Variants in ZNF610 observed in about 807,000 individuals in gnomAD.
ZNF610 encodes the protein zinc finger protein 610, also known as zink finger protein.
A neutral mutation model predicts 14.1 loss-of-function variants in ZNF610; 14 were observed. That is an observed-to-expected ratio of 0.99 (90% CI 0.65 to 1.55). The LOEUF is 1.55. Among genes scored for constraint, ZNF610 ranks in the 40% most tolerant of loss-of-function variants. ZNF610 has a pLI of 0.00. For synonymous variants in ZNF610, 185 were observed against 187.6 expected (o/e 0.99, Z 0.11); for missense variants, 530 against 558.0 (o/e 0.95, Z 0.51).
At chr19:52,359,022 C>A (rs1184882487) in intron 5 of ZNF610, among the ~76,000 whole-genome samples, 3 of 152,190 alleles carry the variant, frequency 2.0e-5, no homozygotes, top group African/African-American at 7.2e-5. Flanking sequence ...GCCTTCATGG[C>A]AGTACAGTTC....
intron 5 of ZNF610, among the ~76,000 whole-genome samples, chr19:52,355,795 A>T (rs1985495749): frequency 1.3e-5 from 2 of 152,232 alleles, no homozygotes; most frequent in Non-Finnish European, 2.9e-5. Flanking sequence ...TTCTAAGGAT[A>T]CAGATGGACA....
At chr19:52,354,447 C>A in intron 5 of ZNF610, 68 bp downstream of exon 5, 1 of 1,529,074 alleles carries the variant, frequency 6.5e-7, no homozygotes, top group Admixed American at 2.0e-5. Context: ...CAGGGTGTTC[C>A]GCTATCACCC....
upstream of ZNF610, among the ~76,000 whole-genome samples, chr19:52,335,734 C>A (rs954743483): frequency 4.6e-5 from 7 of 152,192 alleles, no homozygotes; most frequent in Admixed American, 3.9e-4. Flanking sequence ...TGTGGGCCGT[C>A]AGCATGAAAT....
At chr19:52,343,576 T>A (rs931343904) in intron 1 of ZNF610, among the ~76,000 whole-genome samples, 1 of 148,864 alleles carries the variant, frequency 6.7e-6, no homozygotes, top group East Asian at 2.0e-4. Flanking sequence ...AAAAAAAAAA[T>A]GTATTTGCTC....
At chr19:52,341,683 G>A (rs991539503) in intron 1 of ZNF610, among the ~76,000 whole-genome samples, 1 of 152,260 alleles carries the variant, frequency 6.6e-6, no homozygotes, top group African/African-American at 2.4e-5. Flanking sequence ...CTGGAGTGCA[G>A]TGAGGCAATC....
chr19:52,353,144 T>C (rs996335424), intron 3 of ZNF610, among the ~76,000 whole-genome samples: 3 of 152,212 alleles, frequency 2.0e-5, no homozygotes, highest in Non-Finnish European at 4.4e-5. Context: ...TTCACCATGT[T>C]GGCCAGGCTC....
intron 1 of ZNF610, among the ~76,000 whole-genome samples, chr19:52,338,410 G>A (rs1333084761): frequency 2.6e-5 from 4 of 152,166 alleles, no homozygotes; most frequent in Admixed American, 6.5e-5. Context: ...TGGACCAGGC[G>A]CAGTGGCTCT....
chr19:52,346,189 TTTTGGTTTTTTTTGAGATAGAGTCTCTC>T (rs1367274355), intron 1 of ZNF610, among the ~76,000 whole-genome samples: 2 of 150,364 alleles, frequency 1.3e-5, no homozygotes, highest in Non-Finnish European at 2.9e-5. Context: ...TTTTTTTTGT[TTTTGGTTTTTTTTGAGATAGAGTCTCTC>T]TCTGTTGCCC....
At chr19:52,355,172 C>T (rs1023030267) in intron 5 of ZNF610, among the ~76,000 whole-genome samples, 6 of 152,126 alleles carry the variant, frequency 3.9e-5, no homozygotes, top group Admixed American at 1.3e-4. Context: ...GGGTCTCTTT[C>T]CCCTGTGGTC....
chr19:52,344,713 A>G (rs1429986028), intron 1 of ZNF610, among the ~76,000 whole-genome samples: 1 of 152,214 alleles, frequency 6.6e-6, no homozygotes, highest in Non-Finnish European at 1.5e-5. Context: ...TATTACACAG[A>G]AAGTTCCAAA....
At chr19:52,338,095 A>C (rs1427483553) in intron 1 of ZNF610, among the ~76,000 whole-genome samples, 4 of 152,190 alleles carry the variant, frequency 2.6e-5, no homozygotes, top group African/African-American at 9.6e-5. Context: ...TCACACTAAC[A>C]CTATCTATGT....
intron 1 of ZNF610, among the ~76,000 whole-genome samples, chr19:52,338,098 A>G (rs1476480921): frequency 6.6e-6 from 1 of 152,222 alleles, no homozygotes; most frequent in Non-Finnish European, 1.5e-5. Context: ...CACTAACACT[A>G]TCTATGTGGA....
At position 52,354,489 on chromosome 19, in the gene ZNF610, T is replaced by G. The variant is rs996702187; in HGVS notation, c.319+110T>G. The G allele has an allele frequency of 4.7e-6, 6 of 1,273,362 alleles. No homozygotes were observed. In the East Asian group the frequency reaches 1.3e-4, roughly 27 times the overall value. The allele number at this position is 1,273,362 out of a possible 1,614,324, so 78.9% of individuals were successfully genotyped here. A position where few individuals can be genotyped will look rare whatever the true frequency, so the allele number is the denominator to read the frequency against. ...TAGTGCAGTGGCAATCATAGCTCAC[T>G]GCAGCCTCAAACTCCTGGACTCAAG... On this transcript the variant is annotated intron_variant, in intron 5 of 5. Coordinates refer to ENST00000403906, the MANE Select transcript of ZNF610 (RefSeq NM_001161425.2).
rs771288425 is a variant in ZNF610 at position 52,366,128 on chromosome 19, T to C, written c.750T>C (p.His250=). 7.4e-6 allele frequency: 12 copies of C among 1,613,896 alleles called. No individual in the cohort carries two copies. The highest frequency in any genetic ancestry group is 4.5e-5 in the East Asian group (2 of 44,860). The change falls in exon 6 of 6, where the codon CAT becomes CAC. Residue 250 remains histidine, a synonymous_variant. Coordinates refer to ENST00000403906, the MANE Select transcript of ZNF610 (RefSeq NM_001161425.2). ...VFSRNSHLVE[H]WRIHTGQKPY... is the part of the protein sequence containing the mutation. ...GTCGCAATTCACACCTTGTAGAACA[T>C]TGGAGAATTCATACTGGACAGAAGC...
At chr19:52,349,370 G>A (rs959330017) in intron 3 of ZNF610, 135 bp downstream of exon 3, 3 of 1,347,114 alleles carry the variant, frequency 2.2e-6, no homozygotes, top group East Asian at 4.8e-5. Flanking sequence ...TCTATCTCTC[G>A]TGACCCAGTG....
chr19:52,338,280 G>T (rs1386435658), intron 1 of ZNF610, among the ~76,000 whole-genome samples: 1 of 152,200 alleles, frequency 6.6e-6, no homozygotes, highest in East Asian at 1.9e-4. Context: ...GTGGTTCACA[G>T]AACTCAGGGA....
chr19:52,366,317 G>C lies in ZNF610; in HGVS notation c.939G>C (p.Glu313Asp), dbSNP rs1392319635. 1 of 1,614,068 alleles carries C rather than the reference G, an allele frequency of 6.2e-7. No homozygotes were observed. The highest frequency in any genetic ancestry group is 8.5e-7 in the Non-Finnish European group (1 of 1,179,948). Residue 313 changes from glutamate (E) to aspartate (D), a missense_variant, in exon 6 of 6, where the codon GAG (glutamate) becomes GAC (aspartate). Coordinates refer to ENST00000403906, the MANE Select transcript of ZNF610 (RefSeq NM_001161425.2). ...LTTHLVIHTG[E>D]KPYKCNECGK... ...CCCATCTTGTAATCCATACTGGAGA[G>C]AAACCTTACAAATGTAATGAGTGTG... is the stretch of plus-strand genomic sequence containing the variant.
At chr19:52,358,700 C>T (rs920625524) in intron 5 of ZNF610, among the ~76,000 whole-genome samples, 4 of 152,098 alleles carry the variant, frequency 2.6e-5, no homozygotes, top group Non-Finnish European at 5.9e-5. Context: ...CTTGTGTTAT[C>T]AGTGTTCTAT....
At chr19:52,345,893 A>G (rs542705054) in intron 1 of ZNF610, among the ~76,000 whole-genome samples, 1 of 150,792 alleles carries the variant, frequency 6.6e-6, no homozygotes, top group Non-Finnish European at 1.5e-5. Flanking sequence ...TTTAGTAGAG[A>G]CGGGGTTTCA....
Sources: gnomAD v4.1 joint callset for allele counts (sites outside exome capture counted in the v4.1 genomes callset) on GRCh38, gnomAD v4.1.1 for gene constraint, MANE v1.5 for transcripts, NCBI Gene and HGNC (gene_info 2026-07-23, HGNC 2026-07-21) for gene names.